ARMC8: variants seen among roughly 807,000 people sequenced by gnomAD.
ARMC8 encodes the protein armadillo repeat containing 8.
ARMC8 carries 20 observed loss-of-function variants against 99.3 expected under a neutral mutation model. The observed-to-expected ratio is 0.20, with a 90% CI of 0.14 to 0.29. ARMC8 has a LOEUF of 0.29. Among genes scored for constraint, ARMC8 ranks in the 10% least tolerant of loss-of-function variants. The pLI, the probability that ARMC8 is intolerant of heterozygous loss-of-function variation, is 1.00. For synonymous variants in ARMC8, 263 were observed against 278.3 expected (o/e 0.95, Z 0.55); for missense variants, 569 against 809.5 (o/e 0.70, Z 3.60).
At chr3:138,247,614 A>G (rs1033044805) in intron 12 of ARMC8, among the ~76,000 whole-genome samples, 3 of 152,224 alleles carry the variant, frequency 2.0e-5, no homozygotes, top group African/African-American at 7.2e-5. Flanking sequence ...GGCAGAATGA[A>G]GAAGAGAAAA....
chr3:138,252,018 G>C (rs943832216), intron 12 of ARMC8, among the ~76,000 whole-genome samples: 1 of 152,184 alleles, frequency 6.6e-6, no homozygotes, highest in Non-Finnish European at 1.5e-5. Flanking sequence ...AATTAAATAT[G>C]TATGGAATAG....
chr3:138,187,618 C>A lies in ARMC8; in HGVS notation c.45+19C>A, dbSNP rs1014160072. 5 of 1,534,542 alleles carry A rather than the reference C, an allele frequency of 3.3e-6. No individual in the cohort carries two copies. Among genetic ancestry groups the A allele is most frequent in the Non-Finnish European group, 4.4e-6 (5 of 1,145,774 alleles). On this transcript the variant is annotated intron_variant, in intron 1 of 21. Coordinates refer to ENST00000469044, the MANE Select transcript of ARMC8 (RefSeq NM_001363941.2). Reference sequence around the variant, plus strand: ...CCTTTCGGTGAGTGACCCGCCGCGGCCGCCCGCCCGCCCTCCAGGAAGCCT... The same window carrying A: ...CCTTTCGGTGAGTGACCCGCCGCGGACGCCCGCCCGCCCTCCAGGAAGCCT...
chr3:138,205,189 CTTCCGAG>C (rs2044301509), intron 1 of ARMC8, among the ~76,000 whole-genome samples: 1 of 150,854 alleles, frequency 6.6e-6, no homozygotes, highest in African/African-American at 2.4e-5. Flanking sequence ...CTGCCTCAGC[CTTCCGAG>C]TAGCCAGGAC....
chr3:138,225,700 A>G (rs2108094281), intron 5 of ARMC8, among the ~76,000 whole-genome samples: 1 of 152,352 alleles, frequency 6.6e-6, no homozygotes, highest in Non-Finnish European at 1.5e-5. Flanking sequence ...TCTTTAAAAA[A>G]ATGGTGGTTG....
intron 14 of ARMC8, 104 bp downstream of exon 14, chr3:138,264,316 G>A (rs1416838099): frequency 2.5e-6 from 2 of 785,916 alleles, no homozygotes; most frequent in African/African-American, 3.5e-5. Context: ...TGATTTTTGT[G>A]TAGAGCATTT....
At chr3:138,228,810 C>G in intron 5 of ARMC8, 108 bp from the exon 6 acceptor site, 1 of 672,850 alleles carries the variant, frequency 1.5e-6, no homozygotes, top group Non-Finnish European at 2.6e-6. Context: ...ACTTGATTGA[C>G]TGTCATTAAG....
At position 138,205,060 on chromosome 3, in the gene ARMC8, C is replaced by CTTTT. The variant is rs71146118; in HGVS notation, c.46-4734_46-4731dup. Among the ~76,000 whole-genome samples the CTTTT allele has an allele frequency of 1.7e-3, 157 of 93,220 alleles. 3 individuals are homozygous for CTTTT. The highest frequency in any genetic ancestry group is 2.8e-3 in the African/African-American group (63 of 22,580). The allele number at this position is 93,220 out of a possible 152,430, so 61.2% of individuals were successfully genotyped here. On this transcript the variant is annotated intron_variant, in intron 1 of 21. Coordinates refer to ENST00000469044, the MANE Select transcript of ARMC8 (RefSeq NM_001363941.2). ...AACTCAGTCTCTTTTCTTTTCTTTT[C>CTTTT]TTTTTTTTTTTTTTTTTTTTTTTTT...
intron 18 of ARMC8, among the ~76,000 whole-genome samples, chr3:138,282,724 C>T (rs776891352): frequency 4.6e-5 from 7 of 151,312 alleles, no homozygotes; most frequent in Non-Finnish European, 5.9e-5. Context: ...GGGAAAGCAA[C>T]GATAATTCAC....
At chr3:138,234,554 G>T (rs976716907) in intron 6 of ARMC8, among the ~76,000 whole-genome samples, 1 of 152,164 alleles carries the variant, frequency 6.6e-6, no homozygotes, top group Non-Finnish European at 1.5e-5. Context: ...TTAGTTTGTG[G>T]TCCAGTTCCT....
chr3:138,213,519 A>G (rs2044826208), intron 2 of ARMC8, among the ~76,000 whole-genome samples: 1 of 152,200 alleles, frequency 6.6e-6, no homozygotes, highest in African/African-American at 2.4e-5. Flanking sequence ...GTAGGGAGTA[A>G]GATACGAGCT....
At chr3:138,289,422 G>A (rs2050735305) in intron 20 of ARMC8, among the ~76,000 whole-genome samples, 1 of 152,196 alleles carries the variant, frequency 6.6e-6, no homozygotes, top group African/African-American at 2.4e-5. Context: ...TGCACTTGAA[G>A]AAGGTGAGAG....
chr3:138,237,076 A>G (rs1302474203), intron 7 of ARMC8, among the ~76,000 whole-genome samples: 1 of 152,192 alleles, frequency 6.6e-6, no homozygotes, highest in Non-Finnish European at 1.5e-5. Flanking sequence ...ATCTAGTTAA[A>G]TTTAAATTGC....
At chr3:138,222,715 G>A (rs1388709588) in intron 3 of ARMC8, among the ~76,000 whole-genome samples, 4 of 152,154 alleles carry the variant, frequency 2.6e-5, no homozygotes, top group Non-Finnish European at 5.9e-5. Context: ...CTATAAAGCT[G>A]TCAGCAGCCT....
intron 6 of ARMC8, 161 bp downstream of exon 6, chr3:138,229,171 T>TATATATACAC (rs1559957944): frequency 2.2e-5 from 1 of 44,588 alleles, no homozygotes; most frequent in African/African-American, 6.7e-5. Context: ...TATATATATA[T>TATATATACAC]ATATATATAT....
At chr3:138,192,346 C>T (rs2043439556) in intron 1 of ARMC8, among the ~76,000 whole-genome samples, 1 of 143,562 alleles carries the variant, frequency 7.0e-6, no homozygotes, top group African/African-American at 2.6e-5. Flanking sequence ...GGTGTGATCT[C>T]AGCTCACTGC....
intron 12 of ARMC8, chr3:138,246,738 T>A: frequency 1.0e-6 from 1 of 985,558 alleles, no homozygotes; most frequent in Non-Finnish European, 1.2e-6. Flanking sequence ...ATTTGTGATA[T>A]CATGTTCTAG....
rs1300195498 is a variant in ARMC8 at position 138,263,417 on chromosome 3, T to G, written c.1135-322T>G. On this transcript the variant is annotated intron_variant, in intron 12 of 21. Coordinates refer to ENST00000469044, the MANE Select transcript of ARMC8 (RefSeq NM_001363941.2). ...AACCTGCCCAATGAGAGTTCATTTATTTCTTTTCCTTTTTCTCAAGATTAT... is the reference window on the plus strand; with the variant it reads ...AACCTGCCCAATGAGAGTTCATTTAGTTCTTTTCCTTTTTCTCAAGATTAT... 3.0e-5 allele frequency: 8 copies of G among 269,626 alleles called. No homozygotes were observed. The East Asian group carries it at 6.7e-4, about 22-fold the overall frequency. The allele number at this position is 269,626 out of a possible 1,614,324, so 16.7% of individuals were successfully genotyped here.
At chr3:138,188,862 A>G (rs2043221819) in intron 1 of ARMC8, among the ~76,000 whole-genome samples, 1 of 152,210 alleles carries the variant, frequency 6.6e-6, no homozygotes, top group South Asian at 2.1e-4. Context: ...CCCCTGATCC[A>G]TTTTAGCAGT....
At chr3:138,206,883 C>T (rs972686413) in intron 1 of ARMC8, among the ~76,000 whole-genome samples, 1 of 152,204 alleles carries the variant, frequency 6.6e-6, no homozygotes, top group African/African-American at 2.4e-5. Context: ...GTATACATAA[C>T]AATTTCAGAT....
Sources: gnomAD v4.1 joint callset for allele counts (sites outside exome capture counted in the v4.1 genomes callset) on GRCh38, gnomAD v4.1.1 for gene constraint, MANE v1.5 for transcripts, NCBI Gene and HGNC (gene_info 2026-07-23, HGNC 2026-07-21) for gene names.